HK1: variants seen among roughly 807,000 people sequenced by gnomAD.
HK1 encodes the protein hexokinase-1.
HK1 carries 28 observed loss-of-function variants against 91.6 expected under a neutral mutation model. That is an observed-to-expected ratio of 0.31 (90% CI 0.23 to 0.42). HK1 has a LOEUF of 0.42. Ranked by LOEUF, HK1 falls within the 10% of genes least tolerant of loss-of-function variation. The probability of loss-of-function intolerance (pLI) is 1.00; values close to 1 mark genes in which losing one functional copy is unlikely to be tolerated. For synonymous variants in HK1, 430 were observed against 468.1 expected (o/e 0.92, Z 1.05); for missense variants, 770 against 1,219.8 (o/e 0.63, Z 5.49).
intron 1 of HK1, chr10:69,338,153 T>G: frequency 3.7e-6 from 3 of 804,844 alleles, no homozygotes; most frequent in Non-Finnish European, 4.6e-6. Context: ...CAAGGCCCCC[T>G]TGGTCCACAA....
At chr10:69,343,015 G>A (rs1337165073) in intron 1 of HK1, among the ~76,000 whole-genome samples, 1 of 152,222 alleles carries the variant, frequency 6.6e-6, no homozygotes, top group Non-Finnish European at 1.5e-5. Flanking sequence ...GTCAGGCCTG[G>A]TGAAGGGTGG....
intron 2 of HK1, among the ~76,000 whole-genome samples, chr10:69,353,746 T>C (rs1848998754): frequency 1.3e-5 from 2 of 152,170 alleles, no homozygotes; most frequent in Non-Finnish European, 2.9e-5. Context: ...TCCTGCCCTT[T>C]CTCCCATGCC....
chr10:69,291,640 C>T (rs932453039), intron 3 of HK1, among the ~76,000 whole-genome samples: 9 of 152,194 alleles, frequency 5.9e-5, no homozygotes, highest in African/African-American at 2.2e-4. Flanking sequence ...TTCTACCCAC[C>T]ATCAAGCTCA....
rs41279654 is a variant in HK1, at chr10:69,369,349, C to T, written c.691+13C>T. On this transcript the variant is annotated intron_variant, in intron 6 of 17. Coordinates refer to ENST00000359426, the MANE Select transcript of HK1 (RefSeq NM_000188.3). This position sits in a 1 kb window ranked among gnomAD's most constrained non-coding sequence, Gnocchi z 4.4. ...GGCCTGATCATCGGTAATGCATTCC[C>T]CTTTGCCCATCCATTTGTTCGGCCC... The T allele has an allele frequency of 5.6e-3, 9,009 of 1,613,600 alleles. 28 individuals carry two copies. The highest frequency in any genetic ancestry group is 6.8e-3 in the Non-Finnish European group (7,981 of 1,179,490).
upstream of HK1, among the ~76,000 whole-genome samples, chr10:69,315,507 A>G (rs191116579): frequency 1.4e-4 from 21 of 152,258 alleles, no homozygotes; most frequent in East Asian, 3.9e-3. Context: ...GAGGGAGGGA[A>G]CTAAGGACTC....
intron 4 of HK1, 83 bp downstream of exon 4, chr10:69,364,985 C>A: frequency 1.3e-6 from 2 of 1,505,778 alleles, no homozygotes; most frequent in East Asian, 2.3e-5. Flanking sequence ...CAACTTTTCC[C>A]CTTTGTTGGC....
intron 15 of HK1, among the ~76,000 whole-genome samples, chr10:69,393,700 T>C (rs970978863): frequency 3.9e-5 from 6 of 152,220 alleles, no homozygotes; most frequent in Admixed American, 2.6e-4. Flanking sequence ...TGAAGAACCG[T>C]GCTATTCAAG....
At chr10:69,295,663 C>T in exon 4 of HK1, 1 of 1,606,464 alleles carries the variant, frequency 6.2e-7, no homozygotes, top group South Asian at 1.1e-5. Flanking sequence ...AAAACTTCAT[C>T]TACTTGCTGA....
At chr10:69,398,515 G>T in intron 16 of HK1, 80 bp from the exon 17 acceptor site, 1 of 994,012 alleles carries the variant, frequency 1.0e-6, no homozygotes. Flanking sequence ...TTGGGGGCGG[G>T]GGGCGTCCTT....
chr10:69,383,802 GGAGAGGGGAAGACT>G (rs1176616307), intron 10 of HK1, among the ~76,000 whole-genome samples: 1 of 152,258 alleles, frequency 6.6e-6, no homozygotes, highest in Non-Finnish European at 1.5e-5. Flanking sequence ...GGGCTGCGAG[GGAGAGGGGAAGACT>G]TCAAAGCCTC....
intron 1 of HK1, among the ~76,000 whole-genome samples, chr10:69,332,346 C>A (rs76021812): frequency 0.021 from 2,811 of 136,542 alleles, 97 homozygotes; most frequent in African/African-American, 0.074. Flanking sequence ...CATCAAGTTC[C>A]CTAGGCCTCA....
intron 2 of HK1, among the ~76,000 whole-genome samples, chr10:69,285,437 AAAAC>A (rs968736407): frequency 1.4e-4 from 22 of 152,142 alleles, no homozygotes; most frequent in African/African-American, 3.9e-4. Flanking sequence ...ACAACAACAA[AAAAC>A]AAACAAACAA....
At chr10:69,290,087 C>T (rs892712251) in intron 3 of HK1, among the ~76,000 whole-genome samples, 7 of 152,156 alleles carry the variant, frequency 4.6e-5, no homozygotes, top group South Asian at 4.1e-4. Flanking sequence ...GCTGTTCCAC[C>T]CCGCCCCCCA....
chr10:69,347,032 C>T (rs952473291), intron 2 of HK1, among the ~76,000 whole-genome samples: 2 of 151,690 alleles, frequency 1.3e-5, no homozygotes, highest in African/African-American at 2.4e-5. Flanking sequence ...TACATTTCCT[C>T]TTTTCTTTTC....
rs1284392848 is a variant in HK1, at chr10:69,304,750, C to T, written c.27+3889C>T. Among the ~76,000 whole-genome samples the T allele has an allele frequency of 2.0e-5, 3 of 152,258 alleles. No individual in the cohort carries two copies. The East Asian group carries it at 5.8e-4, about 29-fold the overall frequency. ...TTTCACTGTCTCAGTAATATTTTGCCATGGGTGTTTCATGTTTGTGGGTCA... is the reference window on the plus strand; with the variant it reads ...TTTCACTGTCTCAGTAATATTTTGCTATGGGTGTTTCATGTTTGTGGGTCA... On this transcript the variant is annotated intron_variant, in intron 5 of 21. Coordinates refer to the HK1 transcript ENST00000360289.
At chr10:69,343,396 G>A (rs758774457) in intron 1 of HK1, among the ~76,000 whole-genome samples, 45 of 152,296 alleles carry the variant, frequency 3.0e-4, no homozygotes, top group Non-Finnish European at 5.1e-4. Flanking sequence ...TAAGCTCTGG[G>A]GCTAGGATTG....
intron 2 of HK1, among the ~76,000 whole-genome samples, chr10:69,351,215 AAC>A (rs1848852207): frequency 1.3e-5 from 2 of 150,192 alleles, no homozygotes; most frequent in Non-Finnish European, 3.0e-5. Flanking sequence ...AAATAAATAA[AAC>A]CAAAGCTAGG....
In HK1 at chr10:69,392,328, A is replaced by G; in HGVS notation, c.2219+20A>G. On this transcript the variant is annotated intron_variant, in intron 15 of 17. Coordinates refer to ENST00000359426, the MANE Select transcript of HK1 (RefSeq NM_000188.3). ...ACAAAGGTAACCCCGCCTGGTGGAGAGGACACTCACAGTCAGGGTGGGGGC... is the reference window on the plus strand; with the variant it reads ...ACAAAGGTAACCCCGCCTGGTGGAGGGGACACTCACAGTCAGGGTGGGGGC... 3.7e-6 allele frequency: 6 copies of G among 1,613,914 alleles called. No individual in the cohort carries two copies. Among genetic ancestry groups the G allele is most frequent in the Non-Finnish European group, 5.1e-6 (6 of 1,179,816 alleles).
chr10:69,323,925 C>T (rs1847184110), intron 1 of HK1, among the ~76,000 whole-genome samples: 1 of 152,186 alleles, frequency 6.6e-6, no homozygotes, highest in African/African-American at 2.4e-5. Flanking sequence ...ACTGGAATCA[C>T]CTCTGAGCAT....
Sources: gnomAD v4.1 joint callset for allele counts (sites outside exome capture counted in the v4.1 genomes callset) on GRCh38, gnomAD v4.1.1 for gene constraint, Gnocchi (gnomAD v3.1) non-coding constraint, MANE v1.5 for transcripts, NCBI Gene and HGNC (gene_info 2026-07-23, HGNC 2026-07-21) for gene names.